Variants in NBEA observed in about 807,000 individuals in gnomAD.
The protein encoded by NBEA is lysosomal-trafficking regulator 2.
NBEA carries 44 observed loss-of-function variants against 343.4 expected under a neutral mutation model. The observed-to-expected ratio is 0.13, with a 90% CI of 0.10 to 0.16. NBEA has a LOEUF of 0.16. Ranked by LOEUF, NBEA falls within the 10% of genes least tolerant of loss-of-function variation. The pLI is 1.00. For synonymous variants in NBEA, 1,175 were observed against 1,238.7 expected, an observed-to-expected ratio of 0.95 and a Z score of 1.08; for missense variants, 2,555 against 3,631.3, an observed-to-expected ratio of 0.70 and a Z score of 7.62.
At chr13:35,213,793 A>C (rs181317345) in intron 33 of NBEA, among the ~76,000 whole-genome samples, 1 of 151,960 alleles carries the variant, frequency 6.6e-6, no homozygotes, top group Non-Finnish European at 1.5e-5. Context: ...CATTTTGAGC[A>C]TACATTTTAA....
chr13:34,955,732 C>T (rs1289895250), intron 1 of NBEA, among the ~76,000 whole-genome samples: 4 of 151,964 alleles, frequency 2.6e-5, no homozygotes, highest in Admixed American at 6.6e-5. Context: ...TACAGTTGAC[C>T]ATTCATATCT....
In NBEA at chr13:35,151,655, C is replaced by CA. The variant is rs1350989235; in HGVS notation, c.2446-4111dup. On this transcript the variant is annotated intron_variant, in intron 18 of 58. Coordinates refer to ENST00000379939, the MANE Select transcript of NBEA (RefSeq NM_001385012.1). ...AATCTATCTTGATTATTTTGAAAAC[C>CA]AAAAAAAATTAATAAATTATTTATG... Among the ~76,000 whole-genome samples the CA allele has an allele frequency of 4.6e-5, 7 of 150,756 alleles. No homozygotes were observed. The East Asian group carries it at 5.8e-4, about 13-fold the overall frequency.
intron 1 of NBEA, among the ~76,000 whole-genome samples, chr13:35,001,397 G>A (rs886368512): frequency 1.3e-5 from 2 of 152,092 alleles, no homozygotes; most frequent in African/African-American, 4.8e-5. Context: ...GCTATTCACA[G>A]TACTCAAAAG....
At chr13:35,371,308 CT>C (rs1290456886) in intron 38 of NBEA, among the ~76,000 whole-genome samples, 1 of 151,850 alleles carries the variant, frequency 6.6e-6, no homozygotes, top group Non-Finnish European at 1.5e-5. Context: ...TTATTATATT[CT>C]TTTTTCTTTA....
In NBEA at chr13:35,317,364, C is replaced by A. The variant is rs139136767; in HGVS notation, c.5903+7772C>A. ...AGCACCATTTATTAAATGGGGAATC[C>A]TTTCCCCATTGCTTGATTTTTGACA... On this transcript the variant is annotated intron_variant, in intron 36 of 58. Coordinates refer to ENST00000379939, the MANE Select transcript of NBEA (RefSeq NM_001385012.1). Among the ~76,000 whole-genome samples, 202 of 152,236 alleles carry A rather than the reference C, an allele frequency of 1.3e-3. 1 individual carries two copies. The highest frequency in any genetic ancestry group is 4.6e-3 in the African/African-American group (192 of 41,546).
At chr13:35,369,221 G>C (rs916510425) in intron 38 of NBEA, among the ~76,000 whole-genome samples, 1 of 141,726 alleles carries the variant, frequency 7.1e-6, no homozygotes, top group Admixed American at 7.5e-5. Flanking sequence ...TCAGTTGGCT[G>C]TAAGTACATG....
intron 39 of NBEA, among the ~76,000 whole-genome samples, chr13:35,451,816 C>T (rs1020534732): frequency 1.3e-5 from 2 of 152,200 alleles, no homozygotes; most frequent in Non-Finnish European, 2.9e-5. Flanking sequence ...GAGTTCGTTT[C>T]TCTACCACTA....
At chr13:35,322,239 G>GA (rs2038205625) in intron 36 of NBEA, among the ~76,000 whole-genome samples, 1 of 152,196 alleles carries the variant, frequency 6.6e-6, no homozygotes, top group African/African-American at 2.4e-5. Context: ...AGGCACCCAA[G>GA]AAAATCTCCT....
intron 1 of NBEA, among the ~76,000 whole-genome samples, chr13:34,948,322 AAGGGT>A (rs2152481539): frequency 6.6e-6 from 1 of 151,116 alleles, no homozygotes; most frequent in South Asian, 2.1e-4. Flanking sequence ...CATTTAACCC[AAGGGT>A]AGCGAGCCAG....
At chr13:35,039,358 CT>C (rs1423031644) in intron 1 of NBEA, among the ~76,000 whole-genome samples, 2 of 152,090 alleles carry the variant, frequency 1.3e-5, no homozygotes, top group Non-Finnish European at 2.9e-5. Context: ...TATGAAGAAG[CT>C]TTTTTCTGTG....
chr13:35,604,068 C>A (rs1025136013), intron 47 of NBEA, among the ~76,000 whole-genome samples: 1 of 152,146 alleles, frequency 6.6e-6, no homozygotes, highest in Admixed American at 6.5e-5. Context: ...GCGATCAAAC[C>A]AAACTGCTCC....
At chr13:35,289,503 A>T (rs2035659394) in intron 34 of NBEA, among the ~76,000 whole-genome samples, 3 of 151,958 alleles carry the variant, frequency 2.0e-5, no homozygotes, top group Middle Eastern at 3.4e-3. Context: ...ACCAATTAAG[A>T]TCTGCTTTCT....
intron 45 of NBEA, among the ~76,000 whole-genome samples, chr13:35,569,134 T>A (rs1472556103): frequency 6.6e-6 from 1 of 152,158 alleles, no homozygotes; most frequent in Non-Finnish European, 1.5e-5. Context: ...ATGCTTTGAA[T>A]TGTGTTTCAA....
chr13:35,102,029 A>T (rs1285423440), intron 11 of NBEA, among the ~76,000 whole-genome samples: 1 of 150,838 alleles, frequency 6.6e-6, no homozygotes, highest in Non-Finnish European at 1.5e-5. Context: ...TTTCATATTT[A>T]GATCTATAAT....
intron 30 of NBEA, among the ~76,000 whole-genome samples, chr13:35,188,301 C>T (rs1357143916): frequency 6.7e-6 from 1 of 148,900 alleles, no homozygotes; most frequent in Non-Finnish European, 1.5e-5. Context: ...CAGCAGTTTT[C>T]AAGTACTGAT....
intron 41 of NBEA, among the ~76,000 whole-genome samples, chr13:35,549,627 T>C (rs905676035): frequency 1.3e-5 from 2 of 152,176 alleles, no homozygotes; most frequent in African/African-American, 2.4e-5. Flanking sequence ...CAATTGCTGC[T>C]ACAGTTTCAG....
rs1035774175 is a variant in NBEA at position 35,118,550 on chromosome 13, A to G, written c.2243+76A>G. 1.4e-5 allele frequency: 15 copies of G among 1,088,222 alleles called. No individual in the cohort carries two copies. The African/African-American group carries it at 2.1e-4, about 15-fold the overall frequency. 67.4% of individuals were successfully genotyped at this position (1,088,222 alleles called of 1,614,324 possible). ...TTCCTCCTAGAATAACTGCTATTCT[A>G]TGAATATTTGAATAAATATAGCAAA... On this transcript the variant is annotated intron_variant, in intron 16 of 58. Transcript: ENST00000379939.
chr13:35,152,536 G>A (rs1308886898), intron 18 of NBEA, among the ~76,000 whole-genome samples: 2 of 152,090 alleles, frequency 1.3e-5, no homozygotes, highest in African/African-American at 4.8e-5. Context: ...ATGAAGCTGG[G>A]GAGCAGGTGC....
intron 37 of NBEA, among the ~76,000 whole-genome samples, chr13:35,350,586 G>A (rs953340083): frequency 6.6e-6 from 1 of 151,940 alleles, no homozygotes; most frequent in Non-Finnish European, 1.5e-5. Flanking sequence ...TGAAGACTTA[G>A]TGTTTTTTAG....
Sources: gnomAD v4.1 joint callset for allele counts (sites outside exome capture counted in the v4.1 genomes callset) on GRCh38, gnomAD v4.1.1 for gene constraint, MANE v1.5 for transcripts, NCBI Gene and HGNC (gene_info 2026-07-23, HGNC 2026-07-21) for gene names.